DZANK1: variants seen among roughly 807,000 people sequenced by gnomAD.
The protein encoded by DZANK1 is double zinc ribbon and ankyrin repeat domains 1.
A neutral mutation model predicts 94.5 loss-of-function variants in DZANK1; 91 were observed. The observed-to-expected ratio is 0.96, with a 90% confidence interval of 0.81 to 1.15. DZANK1 has a LOEUF of 1.15. Among genes scored for constraint, DZANK1 ranks in the 50% most tolerant of loss-of-function variants. The probability of loss-of-function intolerance (pLI) is 0.00; values close to 1 mark genes in which losing one functional copy is unlikely to be tolerated. For missense variants in DZANK1, 903 were observed against 916.4 expected (o/e 0.99, Z 0.19); for synonymous variants, 312 against 325.3 (o/e 0.96, Z 0.44).
chr20:18,417,041 A>AAC (rs952444836), intron 10 of DZANK1, among the ~76,000 whole-genome samples: 3 of 151,554 alleles, frequency 2.0e-5, no homozygotes, highest in Non-Finnish European at 2.9e-5. Flanking sequence ...AAACAAAAAA[A>AAC]AAAAAGAAGA....
chr20:18,443,215 G>C (rs2058766338), intron 8 of DZANK1, 132 bp downstream of exon 8: 1 of 707,808 alleles, frequency 1.4e-6, no homozygotes, highest in Non-Finnish European at 2.5e-6. Flanking sequence ...GAGTGTGTAA[G>C]AGTTCAATCA....
rs914730522 is a variant in DZANK1, at chr20:18,465,531, C to A, written c.-19-154G>T. 8.4e-5 allele frequency: 27 copies of A among 321,234 alleles called. No homozygotes were observed. In the Admixed American group the frequency reaches 1.2e-3, roughly 15 times the overall value. The allele number at this position is 321,234 out of a possible 1,614,324, so 19.9% of individuals were successfully genotyped here. A position where few individuals can be genotyped will look rare whatever the true frequency, so the allele number is the denominator to read the frequency against. Reference sequence around the variant, plus strand: ...TTTAATTGAAATAATAATTACATTTCATCTGTATTTGCTGTTGAGGTCTTG... The same window carrying A: ...TTTAATTGAAATAATAATTACATTTAATCTGTATTTGCTGTTGAGGTCTTG... On this transcript the variant is annotated intron_variant, in intron 1 of 20. Transcript: ENST00000262547.
At chr20:18,410,764 A>G (rs1206731554) in intron 13 of DZANK1, among the ~76,000 whole-genome samples, 1 of 152,184 alleles carries the variant, frequency 6.6e-6, no homozygotes, top group Non-Finnish European at 1.5e-5. Flanking sequence ...AACACTGGCA[A>G]CACAGTGTCA....
At chr20:18,433,952 G>A in intron 8 of DZANK1, 187 bp from the exon 9 acceptor site, 1 of 550,578 alleles carries the variant, frequency 1.8e-6, no homozygotes, top group Non-Finnish European at 3.2e-6. Context: ...ATTTGTTTTT[G>A]TAAAACAATT....
chr20:18,438,532 G>GAGT (rs1555877491), intron 8 of DZANK1, among the ~76,000 whole-genome samples: 25 of 152,160 alleles, frequency 1.6e-4, no homozygotes. Flanking sequence ...AAAAGAGCTA[G>GAGT]AGTAGCTACA....
At chr20:18,452,555 T>G in intron 6 of DZANK1, 60 bp downstream of exon 6, 1 of 1,519,244 alleles carries the variant, frequency 6.6e-7, no homozygotes, top group Non-Finnish European at 8.8e-7. Flanking sequence ...AAGTATTTCA[T>G]GGGAGCATTA....
chr20:18,451,586 G>A (rs2059103510), intron 6 of DZANK1, among the ~76,000 whole-genome samples: 1 of 152,040 alleles, frequency 6.6e-6, no homozygotes, highest in Non-Finnish European at 1.5e-5. Flanking sequence ...CATATGTCCA[G>A]CTCTGACCTC....
At chr20:18,455,676 A>C (rs1601160905) in intron 3 of DZANK1, among the ~76,000 whole-genome samples, 1 of 152,216 alleles carries the variant, frequency 6.6e-6, no homozygotes, top group Non-Finnish European at 1.5e-5. Flanking sequence ...GCTGGAGTCA[A>C]CTGAAGGCTC....
intron 3 of DZANK1, among the ~76,000 whole-genome samples, chr20:18,456,070 G>C (rs1434805624): frequency 6.6e-6 from 1 of 152,166 alleles, no homozygotes; most frequent in Non-Finnish European, 1.5e-5. Context: ...TTCATTGGGG[G>C]CCATTTTTGA....
In DZANK1 at chr20:18,390,460, C is replaced by T; in HGVS notation, c.1810-1G>A. On this transcript the variant is annotated splice_acceptor_variant, in intron 17 of 20. Transcript: ENST00000262547. LOFTEE classifies it high-confidence loss of function. ...CCTTCAGCAGGAGTCTGTTTTCAGGCTGCAGGATTACAGAATGTGGTCATT... is the reference window on the plus strand; with the variant it reads ...CCTTCAGCAGGAGTCTGTTTTCAGGTTGCAGGATTACAGAATGTGGTCATT... 1 of 1,613,802 alleles carries T rather than the reference C, an allele frequency of 6.2e-7. No homozygotes were observed. Among genetic ancestry groups the T allele is most frequent in the Non-Finnish European group, 8.5e-7 (1 of 1,179,732 alleles).
At chr20:18,448,865 TCA>T (rs2058985957) in intron 7 of DZANK1, 117 bp downstream of exon 7, 3 of 650,658 alleles carry the variant, frequency 4.6e-6, no homozygotes, top group Admixed American at 3.4e-5. Context: ...AGACTCCGTC[TCA>T]AAAAAAAAAA....
chr20:18,393,776 C>T, exon 17 of DZANK1: 2 of 1,612,950 alleles, frequency 1.2e-6, no homozygotes, highest in South Asian at 1.1e-5. Context: ...TTGATTTTTT[C>T]AATAGTATCT....
intron 2 of DZANK1, among the ~76,000 whole-genome samples, chr20:18,460,935 G>A (rs1318377775): frequency 6.6e-6 from 1 of 152,194 alleles, no homozygotes; most frequent in East Asian, 1.9e-4. Context: ...TCTTATAGAT[G>A]AGATAACTGA....
intron 13 of DZANK1, among the ~76,000 whole-genome samples, chr20:18,399,771 C>A (rs1384997508): frequency 6.6e-6 from 1 of 152,206 alleles, no homozygotes; most frequent in African/African-American, 2.4e-5. Flanking sequence ...CCTTCCCACA[C>A]AGGCTGACCA....
intron 9 of DZANK1, among the ~76,000 whole-genome samples, chr20:18,431,696 A>C (rs1004308662): frequency 5.9e-5 from 9 of 152,318 alleles, no homozygotes; most frequent in Middle Eastern, 3.4e-3. Flanking sequence ...CTACAAATCA[A>C]GTCTGGTTAA....
chr20:18,396,426 C>T lies in DZANK1; in HGVS notation c.1611+46G>A, dbSNP rs781692360. The T allele has an allele frequency of 3.5e-6, 5 of 1,440,894 alleles. No homozygotes were observed. In the South Asian group the frequency reaches 4.8e-5, roughly 14 times the overall value. The allele number at this position is 1,440,894 out of a possible 1,614,324, so 89.3% of individuals were successfully genotyped here. On this transcript the variant is annotated intron_variant, in intron 15 of 20. Transcript: ENST00000262547. ...CATTTCTATAAATTGTCTCAATTTACTAATCGGTCAGTTCTCAAATGAATA... is the reference window on the plus strand; with the variant it reads ...CATTTCTATAAATTGTCTCAATTTATTAATCGGTCAGTTCTCAAATGAATA...
intron 10 of DZANK1, among the ~76,000 whole-genome samples, chr20:18,418,621 G>A (rs1309691669): frequency 6.6e-6 from 1 of 152,116 alleles, no homozygotes; most frequent in African/African-American, 2.4e-5. Flanking sequence ...GTTTTAGTAG[G>A]CAATGATATA....
At chr20:18,439,538 C>A (rs2058653282) in intron 8 of DZANK1, among the ~76,000 whole-genome samples, 3 of 152,194 alleles carry the variant, frequency 2.0e-5, no homozygotes, top group Admixed American at 1.3e-4. Flanking sequence ...ACTGAAACAT[C>A]ATTACTGTCC....
chr20:18,410,486 A>G (rs1326080637), intron 13 of DZANK1, among the ~76,000 whole-genome samples: 2 of 152,230 alleles, frequency 1.3e-5, no homozygotes, highest in Non-Finnish European at 2.9e-5. Context: ...TGCAAAAGAA[A>G]GCAGTAAAGG....
Sources: allele counts gnomAD v4.1 joint callset (sites outside exome capture counted in the v4.1 genomes callset), GRCh38; gene constraint gnomAD v4.1.1; transcripts MANE v1.5; gene names NCBI Gene and HGNC (gene_info 2026-07-23, HGNC 2026-07-21).